NOL4: variants seen among roughly 807,000 people sequenced by gnomAD.
NOL4 encodes the protein cancer/testis antigen 125.
A neutral mutation model predicts 75.9 loss-of-function variants in NOL4; 17 were observed. That is an observed-to-expected ratio of 0.22 (90% CI 0.15 to 0.34). The LOEUF is 0.34. Among genes scored for constraint, NOL4 ranks in the 10% least tolerant of loss-of-function variants. The probability of loss-of-function intolerance (pLI) is 1.00; values close to 1 mark genes in which losing one functional copy is unlikely to be tolerated. For synonymous variants in NOL4, 292 were observed against 289.9 expected, an observed-to-expected ratio of 1.01 and a Z score of -0.07; for missense variants, 614 against 793.5, an observed-to-expected ratio of 0.77 and a Z score of 2.72.
Position 34,009,063 on chromosome 18 carries a change from GA to G in NOL4, c.1056+10254del, listed in dbSNP as rs2074222923. Among the ~76,000 whole-genome samples the G allele has an allele frequency of 1.3e-5, 2 of 151,370 alleles. 1 individual carries two copies. The highest frequency in any genetic ancestry group is 2.9e-5 in the Non-Finnish European group (2 of 67,804). On this transcript the variant is annotated intron_variant, in intron 6 of 10. Transcript: ENST00000261592. ...TCTTCCCCTCCAGAAGTTCAGAAAAGATTTTTTTTTTTTTCTAGCTGAGGTA... is the reference window on the plus strand; with the variant it reads ...TCTTCCCCTCCAGAAGTTCAGAAAAGTTTTTTTTTTTTTCTAGCTGAGGTA...
At chr18:34,016,854 C>T (rs575845751) in intron 6 of NOL4, among the ~76,000 whole-genome samples, 1 of 152,114 alleles carries the variant, frequency 6.6e-6, no homozygotes, top group Non-Finnish European at 1.5e-5. Context: ...CTTCCTACAA[C>T]AGTGACTTGC....
chr18:33,884,585 T>C lies in NOL4; in HGVS notation c.1543-1161A>G, dbSNP rs2064521421. Among the ~76,000 whole-genome samples the C allele has an allele frequency of 2.0e-5, 3 of 152,116 alleles. No homozygotes were observed. In the South Asian group the frequency reaches 6.2e-4, roughly 32 times the overall value. On this transcript the variant is annotated intron_variant, in intron 9 of 10. Coordinates refer to ENST00000261592, the MANE Select transcript of NOL4 (RefSeq NM_003787.5). ...GACTTAAAATATATACATATATGAATTCACTTTCCTTCTGCATTCTTCATC... is the reference window on the plus strand; with the variant it reads ...GACTTAAAATATATACATATATGAACTCACTTTCCTTCTGCATTCTTCATC...
At chr18:34,124,962 C>G (rs894342371) in intron 2 of NOL4, among the ~76,000 whole-genome samples, 28 of 151,506 alleles carry the variant, frequency 1.8e-4, no homozygotes, top group South Asian at 8.3e-4. Context: ...ATAGATTGCT[C>G]TATGCCAATA....
intron 1 of NOL4, among the ~76,000 whole-genome samples, chr18:34,137,163 T>TA (rs2145956056): frequency 6.6e-6 from 1 of 152,280 alleles, no homozygotes; most frequent in African/African-American, 2.4e-5. Flanking sequence ...ATGATCAATG[T>TA]AAATGTAAGA....
At chr18:34,007,941 G>C (rs2074132498) in intron 6 of NOL4, among the ~76,000 whole-genome samples, 1 of 151,828 alleles carries the variant, frequency 6.6e-6, no homozygotes, top group African/African-American at 2.4e-5. Flanking sequence ...TGCGCTATAG[G>C]GTGTTGAGAT....
At chr18:33,946,221 T>C (rs2068825412) in intron 8 of NOL4, among the ~76,000 whole-genome samples, 1 of 151,696 alleles carries the variant, frequency 6.6e-6, no homozygotes, top group South Asian at 2.1e-4. Context: ...GCAGAGAATG[T>C]ACTATATCTC....
intron 5 of NOL4, among the ~76,000 whole-genome samples, chr18:34,080,552 G>A (rs971179409): frequency 6.6e-6 from 1 of 152,270 alleles, no homozygotes; most frequent in African/African-American, 2.4e-5. Context: ...GGGCACACAG[G>A]TTATATCACA....
At chr18:34,166,674 C>T (rs75429918) in intron 1 of NOL4, among the ~76,000 whole-genome samples, 2,228 of 152,094 alleles carry the variant, frequency 0.015, 15 homozygotes, top group Middle Eastern at 0.034. Context: ...CCTTTTGGGT[C>T]TGCAAGTTCT....
At chr18:34,049,089 C>A (rs1420514188) in intron 5 of NOL4, among the ~76,000 whole-genome samples, 7 of 142,290 alleles carry the variant, frequency 4.9e-5, no homozygotes, top group Non-Finnish European at 9.6e-5. Context: ...CACACACACA[C>A]ACACACACAC....
intron 6 of NOL4, among the ~76,000 whole-genome samples, chr18:33,969,170 A>G (rs941449459): frequency 6.6e-6 from 1 of 152,066 alleles, no homozygotes; most frequent in African/African-American, 2.4e-5. Flanking sequence ...TTCTTCATTG[A>G]TATCAATATT....
chr18:33,978,832 T>C (rs1379450471), intron 6 of NOL4, among the ~76,000 whole-genome samples: 3 of 152,060 alleles, frequency 2.0e-5, no homozygotes, highest in Non-Finnish European at 2.9e-5. Flanking sequence ...TTTATTGTTA[T>C]ATTGTTAATT....
intron 2 of NOL4, among the ~76,000 whole-genome samples, chr18:34,112,816 G>A (rs2079662178): frequency 6.6e-6 from 1 of 152,170 alleles, no homozygotes; most frequent in South Asian, 2.1e-4. Context: ...ATTCTGTAAT[G>A]TATGCTTAAA....
At position 34,022,103 on chromosome 18, in the gene NOL4, T is replaced by G. The variant is rs972478488; in HGVS notation, c.773-2502A>C. 1.9e-3 allele frequency among the ~76,000 whole-genome samples: 265 copies of G among 140,136 alleles called. 2 individuals are homozygous for G. The highest frequency in any genetic ancestry group is 2.8e-3 in the Admixed American group (39 of 14,164). The allele number at this position is 140,136 out of a possible 152,430, so 91.9% of individuals were successfully genotyped here. ...TGGGCAACAAGAGCGAAACTGCATC[T>G]CAAAAAAAATAAATAAATAAATAAA... On this transcript the variant is annotated intron_variant, in intron 5 of 10. Transcript: ENST00000261592.
At chr18:33,889,586 A>G (rs989039195) in intron 9 of NOL4, among the ~76,000 whole-genome samples, 2 of 152,168 alleles carry the variant, frequency 1.3e-5, no homozygotes, top group African/African-American at 4.8e-5. Flanking sequence ...CACATCAAAA[A>G]AAGAGAATTT....
intron 1 of NOL4, among the ~76,000 whole-genome samples, chr18:34,130,938 A>G (rs1266048088): frequency 4.6e-5 from 7 of 152,106 alleles, no homozygotes; most frequent in Non-Finnish European, 1.0e-4. Context: ...AAGAACAAAG[A>G]GTTTTCATGG....
chr18:34,210,535 C>G (rs1163846861), intron 1 of NOL4, among the ~76,000 whole-genome samples: 1 of 152,156 alleles, frequency 6.6e-6, no homozygotes, highest in Non-Finnish European at 1.5e-5. Flanking sequence ...GCACAAAGTG[C>G]AAATAACTAC....
chr18:33,855,225 A>G (rs1195528161), intron 10 of NOL4, among the ~76,000 whole-genome samples: 1 of 152,030 alleles, frequency 6.6e-6, no homozygotes, highest in East Asian at 1.9e-4. Flanking sequence ...AATAAACAAG[A>G]TATTTCACTA....
intron 1 of NOL4, among the ~76,000 whole-genome samples, chr18:34,155,839 A>G (rs986286949): frequency 6.6e-6 from 1 of 152,130 alleles, no homozygotes; most frequent in African/African-American, 2.4e-5. Context: ...TTTCCAGCTT[A>G]AAGGTATTCT....
At chr18:34,192,363 C>G (rs1331601040) in intron 1 of NOL4, among the ~76,000 whole-genome samples, 4 of 152,068 alleles carry the variant, frequency 2.6e-5, no homozygotes, top group Non-Finnish European at 5.9e-5. Flanking sequence ...GAAAAAATTT[C>G]CTAAAATTTG....
Sources: gnomAD v4.1 joint callset for allele counts (sites outside exome capture counted in the v4.1 genomes callset) on GRCh38, gnomAD v4.1.1 for gene constraint, MANE v1.5 for transcripts, NCBI Gene and HGNC (gene_info 2026-07-23, HGNC 2026-07-21) for gene names.